Variants in FER1L6 observed in about 807,000 individuals in gnomAD.
FER1L6 encodes fer-1-like protein 6.
In FER1L6, 177 loss-of-function variants were observed where a neutral mutation model predicts 219.2. The ratio of observed to expected loss-of-function variants is 0.81; its 90% CI spans 0.71 to 0.91. The LOEUF (loss-of-function observed/expected upper bound fraction) is 0.91. Among genes scored for constraint, FER1L6 ranks in the 40% least tolerant of loss-of-function variants. The pLI is 0.00. For missense variants in FER1L6, 2,153 were observed against 2,259.9 expected, an observed-to-expected ratio of 0.95 and a Z score of 0.96; for synonymous variants, 768 against 824.3, an observed-to-expected ratio of 0.93 and a Z score of 1.17.
intron 13 of FER1L6, 104 bp downstream of exon 13, chr8:124,003,451 C>CTTTT (rs71289633): frequency 2.1e-4 from 23 of 111,784 alleles, no homozygotes; most frequent in South Asian, 7.0e-4. Context: ...CAGAAATGTC[C>CTTTT]TTTTTTTTTT....
intron 1 of FER1L6, among the ~76,000 whole-genome samples, chr8:123,953,371 A>C (rs1814859112): frequency 6.6e-6 from 1 of 152,126 alleles, no homozygotes; most frequent in East Asian, 1.9e-4. Flanking sequence ...ACTGCTTCTC[A>C]ACACTGGGTC....
intron 1 of FER1L6, among the ~76,000 whole-genome samples, chr8:123,935,436 G>A (rs552387935): frequency 1.3e-5 from 2 of 152,330 alleles, no homozygotes; most frequent in African/African-American, 4.8e-5. Context: ...AAGCTCTGCT[G>A]ATTAAAATGT....
chr8:123,992,753 G>A (rs1025519180), intron 12 of FER1L6, among the ~76,000 whole-genome samples: 1 of 152,008 alleles, frequency 6.6e-6, no homozygotes, highest in African/African-American at 2.4e-5. Context: ...AACTCTTTGA[G>A]TTTTGTTTTT....
Position 124,021,742 on chromosome 8 carries a change from G to T in FER1L6, c.2133+73G>T. The T allele has an allele frequency of 1.9e-6, 3 of 1,556,612 alleles. No homozygotes were observed. The South Asian group carries it at 3.4e-5, about 18-fold the overall frequency. ...TCTTCCAGGGAGGTTTGAATGGTTG[G>T]TACGGGTGAAATATGAATCAATGTT... On this transcript the variant is annotated intron_variant, in intron 17 of 40. Coordinates refer to ENST00000522917, the MANE Select transcript of FER1L6 (RefSeq NM_001039112.2).
At chr8:124,023,252 C>T (rs1818541507) in intron 17 of FER1L6, among the ~76,000 whole-genome samples, 192 bp from the exon 18 acceptor site, 1 of 152,212 alleles carries the variant, frequency 6.6e-6, no homozygotes, top group African/African-American at 2.4e-5. Context: ...GTAAGGCTTT[C>T]TCTTCTCTAG....
At chr8:123,867,807 A>G (rs1416426415) in intron 1 of FER1L6, among the ~76,000 whole-genome samples, 1 of 152,178 alleles carries the variant, frequency 6.6e-6, no homozygotes, top group African/African-American at 2.4e-5. Context: ...AACTTACAGA[A>G]AAGTTCACAT....
chr8:123,954,770 G>A lies in FER1L6; in HGVS notation c.-7-1222G>A, dbSNP rs368023109. 1.2e-4 allele frequency among the ~76,000 whole-genome samples: 18 copies of A among 152,310 alleles called. 1 individual carries two copies. The South Asian group carries it at 3.7e-3, about 32-fold the overall frequency. Reference sequence around the variant, plus strand: ...AACCACTGCACTCCACACATCCTAAGTCCTAAACATATAAGCAAAATGGGA... The same window carrying A: ...AACCACTGCACTCCACACATCCTAAATCCTAAACATATAAGCAAAATGGGA... On this transcript the variant is annotated intron_variant, in intron 1 of 40. Transcript: ENST00000522917.
At chr8:124,060,389 A>G (rs1820509786) in intron 23 of FER1L6, 99 bp downstream of exon 23, 1 of 1,432,478 alleles carries the variant, frequency 7.0e-7, no homozygotes, top group Non-Finnish European at 9.7e-7. Context: ...CGGGAGACCT[A>G]GAGAAAAAGA....
At chr8:123,911,056 C>CAGT (rs1420380448) in intron 1 of FER1L6, among the ~76,000 whole-genome samples, 1 of 151,872 alleles carries the variant, frequency 6.6e-6, no homozygotes, top group Non-Finnish European at 1.5e-5. Flanking sequence ...ATGACAGTGA[C>CAGT]GATTATGATG....
rs146042836 is a variant in FER1L6, at chr8:124,047,398, A to G, written c.2724+1497A>G. On this transcript the variant is annotated intron_variant, in intron 21 of 40. Transcript: ENST00000522917. ...TAAAGGAATGTTGTATAGGCTTTGC[A>G]TAGTGACTGGTATACAAGTGCCCAA... 5.2e-5 allele frequency among the ~76,000 whole-genome samples: 8 copies of G among 152,402 alleles called. No homozygotes were observed. In the East Asian group the frequency reaches 1.3e-3, roughly 26 times the overall value.
intron 1 of FER1L6, among the ~76,000 whole-genome samples, chr8:123,872,377 C>T (rs1816938772): frequency 6.6e-6 from 1 of 152,154 alleles, no homozygotes; most frequent in Non-Finnish European, 1.5e-5. Context: ...TTCTACAACA[C>T]ACCTGATCAG....
At chr8:124,035,558 G>C in intron 19 of FER1L6, 104 bp downstream of exon 19, 1 of 1,128,958 alleles carries the variant, frequency 8.9e-7, no homozygotes, top group Non-Finnish European at 1.2e-6. Context: ...CATTATTTTA[G>C]GGCCAACTTA....
chr8:123,925,249 G>C (rs1288755652), intron 1 of FER1L6, among the ~76,000 whole-genome samples: 1 of 152,154 alleles, frequency 6.6e-6, no homozygotes, highest in Non-Finnish European at 1.5e-5. Context: ...GGAACCCAGG[G>C]ACCCAGCCTC....
At chr8:124,040,444 TG>T in intron 20 of FER1L6, 1 of 207,156 alleles carries the variant, frequency 4.8e-6, no homozygotes, top group Non-Finnish European at 9.9e-6. Flanking sequence ...ACTCACCAGC[TG>T]GGGAGCTTCG....
At chr8:123,882,451 C>G (rs976708289) in intron 1 of FER1L6, among the ~76,000 whole-genome samples, 2 of 152,128 alleles carry the variant, frequency 1.3e-5, no homozygotes, top group African/African-American at 4.8e-5. Flanking sequence ...TTTGATTTCT[C>G]TTTGGGAACA....
intron 1 of FER1L6, among the ~76,000 whole-genome samples, chr8:123,900,286 G>C (rs10956155): frequency 7.9e-5 from 12 of 151,796 alleles, no homozygotes; most frequent in Non-Finnish European, 1.8e-4. Flanking sequence ...TCTTGATTTG[G>C]TTCTCTGCTT....
chr8:124,082,543 A>C, intron 33 of FER1L6, 85 bp downstream of exon 33: 2 of 1,308,492 alleles, frequency 1.5e-6, no homozygotes, highest in Non-Finnish European at 2.1e-6. Flanking sequence ...CCAGTTGTCC[A>C]TCTCTAGGAA....
chr8:123,879,541 G>T (rs1156812000), intron 1 of FER1L6, among the ~76,000 whole-genome samples: 1 of 152,034 alleles, frequency 6.6e-6, no homozygotes, highest in Non-Finnish European at 1.5e-5. Flanking sequence ...TAGCCAGGAT[G>T]GTCTCCGTCT....
intron 3 of FER1L6, 126 bp from the exon 4 acceptor site, chr8:123,965,881 C>T: frequency 2.3e-6 from 2 of 872,766 alleles, no homozygotes; most frequent in Non-Finnish European, 3.5e-6. Context: ...TTATCTCCCC[C>T]AGAGATGTAG....
Sources: gnomAD v4.1 joint callset for allele counts (sites outside exome capture counted in the v4.1 genomes callset) on GRCh38, gnomAD v4.1.1 for gene constraint, MANE v1.5 for transcripts, NCBI Gene and HGNC (gene_info 2026-07-23, HGNC 2026-07-21) for gene names.